The following SEPTIN9 variants were observed in gnomAD, a reference collection of about 807,000 sequenced individuals.
SEPTIN9 encodes the protein septin 9.
Under a neutral mutation model 56.6 loss-of-function variants are expected in SEPTIN9, and 13 were observed. The observed-to-expected ratio is 0.23, with a 90% CI of 0.15 to 0.37. SEPTIN9 has a LOEUF of 0.37. Ranked by LOEUF, SEPTIN9 falls within the 10% of genes least tolerant of loss-of-function variation. The pLI is 1.00. For synonymous variants in SEPTIN9, 332 were observed against 334.1 expected (o/e 0.99, Z 0.07); for missense variants, 650 against 823.1 (o/e 0.79, Z 2.57).
chr17:77,455,152 A>G (rs541860418), intron 3 of SEPTIN9, among the ~76,000 whole-genome samples: 2 of 151,684 alleles, frequency 1.3e-5, no homozygotes, highest in African/African-American at 4.8e-5. Flanking sequence ...AGCACTCCAG[A>G]TTTGTCACTT....
Position 77,327,740 on chromosome 17 carries a change from T to G in SEPTIN9, c.76+20543T>G, listed in dbSNP as rs1184095798. Among the ~76,000 whole-genome samples, 1 of 152,156 alleles carries G rather than the reference T, an allele frequency of 6.6e-6. No homozygotes were observed. The highest frequency in any genetic ancestry group is 1.5e-5 in the Non-Finnish European group (1 of 68,002). ...CCATCCGTGGAGCCACCCTCCTCTT[T>G]TTTTTTCTAAATGGGGAAACTCTGA... On this transcript the variant is annotated intron_variant, in intron 2 of 11. Transcript: ENST00000427177. The surrounding 1 kb of genome is among the most constrained non-coding windows in gnomAD (Gnocchi z 5.0).
At position 77,498,668 on chromosome 17, in the gene SEPTIN9, T is replaced by TTCCCCCC; in HGVS notation, c.*10_*11insTCCCCCC. 1 of 1,561,510 alleles carries TTCCCCCC rather than the reference T, an allele frequency of 6.4e-7. No individual in the cohort carries two copies. The highest frequency in any genetic ancestry group is 2.3e-5 in the East Asian group (1 of 42,860). ...AGCCCCGGAGATGTAGACGCCACCC[T>TTCCCCCC]GCCCACCCCCGGGATCCTGCCCCCA... On this transcript the variant is annotated 3_prime_UTR_variant, in exon 12 of 12. Coordinates refer to ENST00000427177, the MANE Select transcript of SEPTIN9 (RefSeq NM_001113491.2).
Position 77,476,247 on chromosome 17 carries a change from C to T in SEPTIN9, c.722-5897C>T, listed in dbSNP as rs2039209441. The stretch of plus-strand genomic sequence containing the variant: ...GCTTTGCAAGCCTGCTGTGTCAAGC[C>T]CTCTCTCGGCACCAGGCCAGGTGGG... On this transcript the variant is annotated intron_variant, in intron 3 of 11. Coordinates refer to ENST00000427177, the MANE Select transcript of SEPTIN9 (RefSeq NM_001113491.2). This position sits in a 1 kb window ranked among gnomAD's most constrained non-coding sequence, Gnocchi z 6.0. 6.6e-6 allele frequency among the ~76,000 whole-genome samples: 1 copy of T among 152,134 alleles called. No homozygotes were observed. The highest frequency in any genetic ancestry group is 2.1e-4 in the South Asian group (1 of 4,832).
intron 3 of SEPTIN9, among the ~76,000 whole-genome samples, chr17:77,416,398 G>A (rs890320124): frequency 1.3e-5 from 2 of 152,194 alleles, no homozygotes; most frequent in African/African-American, 4.8e-5. Context: ...GATGCTTGGC[G>A]TTGGTGCTGA....
At chr17:77,421,000 G>T (rs2036681403) in intron 3 of SEPTIN9, among the ~76,000 whole-genome samples, 1 of 152,200 alleles carries the variant, frequency 6.6e-6, no homozygotes, top group Non-Finnish European at 1.5e-5. Context: ...GTCTGGATTT[G>T]AACCCTGGAG....
At chr17:77,301,439 T>TGTGTGTGTG (rs1328948653) in intron 1 of SEPTIN9, among the ~76,000 whole-genome samples, 4 of 137,632 alleles carry the variant, frequency 2.9e-5, no homozygotes, top group African/African-American at 1.1e-4. Flanking sequence ...TGTGTGTGTG[T>TGTGTGTGTG]TTTGAGAAAG....
chr17:77,297,531 A>G (rs757764062), intron 1 of SEPTIN9, among the ~76,000 whole-genome samples: 1 of 152,184 alleles, frequency 6.6e-6, no homozygotes, highest in East Asian at 1.9e-4. Context: ...CAGCCACCAC[A>G]CAGGCTCAGA....
chr17:77,333,339 T>C (rs896026346), intron 2 of SEPTIN9, among the ~76,000 whole-genome samples: 10 of 152,264 alleles, frequency 6.6e-5, no homozygotes, highest in African/African-American at 2.4e-4. Flanking sequence ...TACTGATCTT[T>C]TGTCAGATAC....
In SEPTIN9 at chr17:77,319,488, CCT is replaced by C. The variant is rs1400145234; in HGVS notation, c.76+12296_76+12297del. The stretch of plus-strand genomic sequence containing the variant: ...TCCAGGAAGTCCCCGTCCCGTTCGC[CCT>C]CTCTGCCTGGGCGGGGACGGCAACT... On this transcript the variant is annotated intron_variant, in intron 2 of 11. Transcript: ENST00000427177. The surrounding 1 kb of genome is among the most constrained non-coding windows in gnomAD (Gnocchi z 5.3). 1.6e-5 allele frequency: 16 copies of C among 980,024 alleles called. No homozygotes were observed. In the East Asian group the frequency reaches 3.6e-4, roughly 22 times the overall value. 60.7% of individuals were successfully genotyped at this position (980,024 alleles called of 1,614,324 possible).
intron 2 of SEPTIN9, among the ~76,000 whole-genome samples, chr17:77,321,094 C>T (rs73371416): frequency 6.6e-6 from 1 of 152,202 alleles, no homozygotes; most frequent in African/African-American, 2.4e-5. Flanking sequence ...ACGTGGCCAG[C>T]GCCGTCATCG....
chr17:77,466,590 G>A, intron 3 of SEPTIN9: 2 of 985,702 alleles, frequency 2.0e-6, no homozygotes, highest in Non-Finnish European at 2.4e-6. Context: ...TGGGTCCTCG[G>A]GAGGAGGAGA....
At chr17:77,497,432 G>T in intron 11 of SEPTIN9, 66 bp downstream of exon 11, 1 of 1,491,412 alleles carries the variant, frequency 6.7e-7, no homozygotes, top group Non-Finnish European at 9.3e-7. Flanking sequence ...CAGCGGGTGG[G>T]GGCAGTGGGT....
chr17:77,485,269 A>T (rs1186781464), intron 4 of SEPTIN9, among the ~76,000 whole-genome samples: 2 of 55,384 alleles, frequency 3.6e-5, no homozygotes, highest in Non-Finnish European at 7.1e-5. Context: ...TGTGATGGTG[A>T]TGTGGGTGAT....
At position 77,372,679 on chromosome 17, in the gene SEPTIN9, T is replaced by A. The variant is rs1223180920; in HGVS notation, c.77-29380T>A. ...TGTGCCCCTTCTCCCGGACAGTGCCTTCTCCAGGGCTCACCCAGGAGGGTG... is the reference window on the plus strand; with the variant it reads ...TGTGCCCCTTCTCCCGGACAGTGCCATCTCCAGGGCTCACCCAGGAGGGTG... On this transcript the variant is annotated intron_variant, in intron 2 of 11. Transcript: ENST00000427177. Among the ~76,000 whole-genome samples the A allele has an allele frequency of 1.2e-4, 19 of 152,186 alleles. No homozygotes were observed. The East Asian group carries it at 3.1e-3, about 25-fold the overall frequency.
rs1242013109 is a variant in SEPTIN9 at position 77,466,100 on chromosome 17, ACACACACG to A, written c.722-16043_722-16036del. On this transcript the variant is annotated intron_variant, in intron 3 of 11. Transcript: ENST00000427177. Reference sequence around the variant, plus strand: ...CACACACACACACACACACACACACACACACACGAGTAAACTGTAACACAAATGTGTGC... The same window carrying A: ...CACACACACACACACACACACACACAAGTAAACTGTAACACAAATGTGTGC... 3.4e-4 allele frequency among the ~76,000 whole-genome samples: 46 copies of A among 134,810 alleles called. 1 individual carries two copies. The East Asian group carries it at 5.7e-3, about 17-fold the overall frequency. The allele number at this position is 134,810 out of a possible 152,430, so 88.4% of individuals were successfully genotyped here. A position where few individuals can be genotyped will look rare whatever the true frequency, so the allele number is the denominator to read the frequency against.
chr17:77,293,719 G>A (rs1225209657), intron 1 of SEPTIN9, among the ~76,000 whole-genome samples: 2 of 152,216 alleles, frequency 1.3e-5, no homozygotes, highest in East Asian at 3.8e-4. Flanking sequence ...TCAACTGTCA[G>A]TCATATCTCC....
chr17:77,445,487 G>A lies in SEPTIN9; in HGVS notation c.722-36657G>A. On this transcript the variant is annotated intron_variant, in intron 3 of 11. Coordinates refer to ENST00000427177, the MANE Select transcript of SEPTIN9 (RefSeq NM_001113491.2). This position sits in a 1 kb window ranked among gnomAD's most constrained non-coding sequence, Gnocchi z 4.7. ...AGGAGCTTGGCAGGAGCAGAGTGCA[G>A]GACCTGGGAACTGGGGGTTGGTGCA... 1 of 457,792 alleles carries A rather than the reference G, an allele frequency of 2.2e-6. No homozygotes were observed. Among genetic ancestry groups the A allele is most frequent in the Non-Finnish European group, 4.6e-6 (1 of 219,674 alleles). The allele number at this position is 457,792 out of a possible 1,614,324, so 28.4% of individuals were successfully genotyped here.
intron 3 of SEPTIN9, among the ~76,000 whole-genome samples, chr17:77,438,135 C>A (rs991079429): frequency 1.3e-5 from 2 of 152,176 alleles, no homozygotes; most frequent in African/African-American, 4.8e-5. Flanking sequence ...TTGGAGAAGC[C>A]GTTGGGCCGA....
At chr17:77,333,136 C>G (rs560446093) in intron 2 of SEPTIN9, among the ~76,000 whole-genome samples, 1 of 152,348 alleles carries the variant, frequency 6.6e-6, no homozygotes, top group East Asian at 1.9e-4. Flanking sequence ...TGCTGTCACT[C>G]TGTGAAATCT....
Sources: allele counts gnomAD v4.1 joint callset (sites outside exome capture counted in the v4.1 genomes callset), GRCh38; gene constraint gnomAD v4.1.1; non-coding constraint Gnocchi (gnomAD v3.1); transcripts MANE v1.5; gene names NCBI Gene and HGNC (gene_info 2026-07-23, HGNC 2026-07-21).